Variants in COL23A1 observed in about 807,000 individuals in gnomAD.
COL23A1 encodes collagen alpha-1(XXIII) chain.
COL23A1 carries 97 observed loss-of-function variants against 99.3 expected under a neutral mutation model. The ratio of observed to expected loss-of-function variants is 0.98; its 90% CI spans 0.83 to 1.16. The LOEUF is 1.16. Among genes scored for constraint, COL23A1 ranks in the 50% most tolerant of loss-of-function variants. The pLI is 0.00. For missense variants in COL23A1, 762 were observed against 757.4 expected (o/e 1.01, Z -0.07); for synonymous variants, 320 against 308.2 (o/e 1.04, Z -0.40).
At chr5:178,425,152 G>A (rs1765843662) in intron 2 of COL23A1, among the ~76,000 whole-genome samples, 1 of 152,224 alleles carries the variant, frequency 6.6e-6, no homozygotes, top group South Asian at 2.1e-4. Context: ...GGCCGGTTTG[G>A]TGGCTCATGC....
intron 2 of COL23A1, among the ~76,000 whole-genome samples, chr5:178,336,359 G>C (rs890806): frequency 0.46 from 69,839 of 152,054 alleles, 16,906 homozygotes; most frequent in East Asian, 0.8. Context: ...CTGATGAATG[G>C]GTAAACAAAA....
chr5:178,291,588 A>G (rs1181165620), intron 3 of COL23A1, among the ~76,000 whole-genome samples: 1 of 152,170 alleles, frequency 6.6e-6, no homozygotes, highest in Non-Finnish European at 1.5e-5. Flanking sequence ...AGGGCCAGCC[A>G]AGCCCGGGGG....
chr5:178,246,275 C>G lies in COL23A1; in HGVS notation c.1392G>C (p.Leu464=), dbSNP rs1251787817. The change falls in exon 24 of 29, where the codon CTG becomes CTC. Residue 464 remains leucine, a synonymous_variant. Coordinates refer to ENST00000390654, the MANE Select transcript of COL23A1 (RefSeq NM_173465.4). ...TTACCTTCTCTCCTTTGGTTCCTGGCAGCCCAATAAGGCCCGGTGGGCCAA... is the reference window on the plus strand; with the variant it reads ...TTACCTTCTCTCCTTTGGTTCCTGGGAGCCCAATAAGGCCCGGTGGGCCAA... The part of the protein sequence containing the change: ...GPVGPPGLIG[L]PGTKGEKGRP... 1.3e-6 allele frequency: 2 copies of G among 1,554,784 alleles called. 1 individual carries two copies.
intron 16 of COL23A1, among the ~76,000 whole-genome samples, chr5:178,254,726 G>A (rs1765213292): frequency 6.6e-6 from 1 of 152,140 alleles, no homozygotes; most frequent in East Asian, 1.9e-4. Context: ...TTGGCCTCTA[G>A]GGAGCTCGGG....
chr5:178,503,877 C>T lies in COL23A1; in HGVS notation c.361+56805G>A, dbSNP rs147320259. On this transcript the variant is annotated intron_variant, in intron 2 of 28. Coordinates refer to ENST00000390654, the MANE Select transcript of COL23A1 (RefSeq NM_173465.4). ...CAGGTAAGGATTCCCCAAGGCGGAG[C>T]GGGCAGAGCCCTGGGCTAGGTCCGG... Among the ~76,000 whole-genome samples the T allele has an allele frequency of 3.6e-3, 544 of 152,202 alleles. 4 individuals carry two copies. The highest frequency in any genetic ancestry group is 2.3e-3 in the Non-Finnish European group (158 of 68,002).
intron 1 of COL23A1, among the ~76,000 whole-genome samples, chr5:178,584,610 C>T (rs1178829294): frequency 1.3e-5 from 2 of 152,130 alleles, no homozygotes; most frequent in African/African-American, 2.4e-5. Context: ...TGGGTTGCTG[C>T]TCGGTGAGGG....
At chr5:178,299,649 T>G (rs1171002428) in intron 3 of COL23A1, among the ~76,000 whole-genome samples, 1 of 152,112 alleles carries the variant, frequency 6.6e-6, no homozygotes, top group Non-Finnish European at 1.5e-5. Flanking sequence ...ATTTCATTTC[T>G]TTCTACCCTG....
At chr5:178,358,270 A>ATG (rs767398186) in intron 2 of COL23A1, among the ~76,000 whole-genome samples, 1 of 127,854 alleles carries the variant, frequency 7.8e-6, no homozygotes, top group African/African-American at 3.1e-5. Context: ...ATATGTGTGT[A>ATG]TATGTGTGTA....
At chr5:178,300,266 C>A (rs1050107886) in intron 3 of COL23A1, among the ~76,000 whole-genome samples, 9 of 150,976 alleles carry the variant, frequency 6.0e-5, no homozygotes, top group Non-Finnish European at 1.0e-4. Context: ...TCAGTAGAGA[C>A]CATCTTGGCC....
intron 2 of COL23A1, among the ~76,000 whole-genome samples, chr5:178,537,270 C>T (rs931834462): frequency 6.6e-6 from 1 of 152,328 alleles, no homozygotes; most frequent in South Asian, 2.1e-4. Context: ...AGGCCCCCTC[C>T]CTGCCGCACC....
chr5:178,382,234 G>A (rs530458837), intron 2 of COL23A1, among the ~76,000 whole-genome samples: 1 of 152,308 alleles, frequency 6.6e-6, no homozygotes, highest in African/African-American at 2.4e-5. Flanking sequence ...CCCAGCTGCA[G>A]CTGCTGCGGC....
chr5:178,496,520 T>G (rs1431967816), intron 2 of COL23A1, among the ~76,000 whole-genome samples: 3 of 152,228 alleles, frequency 2.0e-5, no homozygotes, highest in Non-Finnish European at 4.4e-5. Context: ...TTTGATATTT[T>G]AAGAATACAT....
chr5:178,288,648 T>G lies in COL23A1; in HGVS notation c.415-298A>C, dbSNP rs1757291637. The G allele has an allele frequency of 5.6e-6, 3 of 537,842 alleles. No individual in the cohort carries two copies. In the South Asian group the frequency reaches 6.9e-5, roughly 12 times the overall value. 33.3% of individuals were successfully genotyped at this position (537,842 alleles called of 1,614,324 possible). On this transcript the variant is annotated intron_variant, in intron 4 of 28. Transcript: ENST00000390654. ...ATAGGGTAAATGCCACGTGGGGACG[T>G]GGGGTTCTGGAGGGTGCAGCCACAA...
chr5:178,321,772 A>G (rs1759330103), intron 2 of COL23A1, among the ~76,000 whole-genome samples: 1 of 150,622 alleles, frequency 6.6e-6, no homozygotes, highest in Non-Finnish European at 1.5e-5. Flanking sequence ...TACAGGCGTG[A>G]GCCACCGCGC....
chr5:178,421,937 G>C (rs1287967660), intron 2 of COL23A1, among the ~76,000 whole-genome samples: 2 of 152,176 alleles, frequency 1.3e-5, no homozygotes, highest in Admixed American at 6.5e-5. Flanking sequence ...AGAACGCCGG[G>C]GGGTGGAGTG....
intron 2 of COL23A1, among the ~76,000 whole-genome samples, chr5:178,539,584 G>GA (rs1328897336): frequency 3.4e-5 from 5 of 145,490 alleles, no homozygotes; most frequent in South Asian, 2.2e-4. Context: ...AGAAAGAAAG[G>GA]GAAAAAAAAG....
chr5:178,361,187 T>C (rs1043160532), intron 2 of COL23A1, among the ~76,000 whole-genome samples: 1 of 152,200 alleles, frequency 6.6e-6, no homozygotes, highest in Admixed American at 6.5e-5. Context: ...CCTAAATTAC[T>C]ACCACAAAAG....
At chr5:178,440,616 C>CTTT (rs746471784) in intron 2 of COL23A1, among the ~76,000 whole-genome samples, 15,667 of 141,958 alleles carry the variant, frequency 0.11, 2,032 homozygotes, top group East Asian at 0.36. Context: ...TTTCATCTTT[C>CTTT]TTTTTTTTTT....
intron 2 of COL23A1, among the ~76,000 whole-genome samples, chr5:178,501,939 GT>G (rs1338220368): frequency 3.9e-5 from 6 of 152,220 alleles, no homozygotes; most frequent in African/African-American, 9.6e-5. Flanking sequence ...CTACAGGGCC[GT>G]GTCAGGGAAG....
Sources: allele counts gnomAD v4.1 joint callset (sites outside exome capture counted in the v4.1 genomes callset), GRCh38; gene constraint gnomAD v4.1.1; transcripts MANE v1.5; gene names NCBI Gene and HGNC (gene_info 2026-07-23, HGNC 2026-07-21).